DGKB: variants seen among roughly 807,000 people sequenced by gnomAD.
DGKB encodes the protein 90 kDa diacylglycerol kinase.
Under a neutral mutation model 114.3 loss-of-function variants are expected in DGKB, and 67 were observed. That is an observed-to-expected ratio of 0.59 (90% CI 0.48 to 0.72). The LOEUF is 0.72. Ranked by LOEUF, DGKB falls within the 30% of genes least tolerant of loss-of-function variation. The probability of loss-of-function intolerance (pLI) is 0.00; values close to 1 mark genes in which losing one functional copy is unlikely to be tolerated. For synonymous variants in DGKB, 398 were observed against 323.1 expected, an observed-to-expected ratio of 1.23 and a Z score of -2.49; for missense variants, 907 against 975.2, an observed-to-expected ratio of 0.93 and a Z score of 0.93.
At chr7:14,280,883 C>A (rs553550177) in intron 23 of DGKB, among the ~76,000 whole-genome samples, 10 of 151,928 alleles carry the variant, frequency 6.6e-5, no homozygotes, top group Admixed American at 1.3e-4. Context: ...AAAGGAACAA[C>A]CAGTACCAGC....
At chr7:14,184,019 C>G (rs963426820) in intron 23 of DGKB, among the ~76,000 whole-genome samples, 1 of 152,176 alleles carries the variant, frequency 6.6e-6, no homozygotes, top group Non-Finnish European at 1.5e-5. Flanking sequence ...CACATGCCCC[C>G]ACTAGAGAAG....
chr7:14,444,309 A>C (rs1321374236), intron 21 of DGKB, among the ~76,000 whole-genome samples: 1 of 151,822 alleles, frequency 6.6e-6, no homozygotes, highest in Non-Finnish European at 1.5e-5. Context: ...TGGTACCTAC[A>C]TGCATTATTT....
chr7:14,743,236 G>A (rs1832812009), intron 4 of DGKB, among the ~76,000 whole-genome samples: 1 of 152,078 alleles, frequency 6.6e-6, no homozygotes, highest in Non-Finnish European at 1.5e-5. Context: ...CTCCCTTGTT[G>A]AAGATTTCTA....
At chr7:14,616,683 T>C (rs903869366) in intron 15 of DGKB, among the ~76,000 whole-genome samples, 3 of 151,768 alleles carry the variant, frequency 2.0e-5, no homozygotes, top group Non-Finnish European at 3.0e-5. Context: ...ACTTCCTAGT[T>C]GATTTGTTTA....
chr7:14,686,847 T>C (rs1821784387), intron 9 of DGKB, among the ~76,000 whole-genome samples: 1 of 152,258 alleles, frequency 6.6e-6, no homozygotes, highest in East Asian at 1.9e-4. Flanking sequence ...TCCTTTCTTT[T>C]TCTTTCTTTC....
rs565620766 is a variant in DGKB at position 14,935,931 on chromosome 7, G to T, written c.-188+38765C>A. ...AAACTTCTCTGGTGATGCCCACATT[G>T]GTTGTCCATCAACTACATTTTGAGT... On this transcript the variant is annotated intron_variant, in intron 1 of 4. Transcript: ENST00000437998. Among the ~76,000 whole-genome samples the T allele has an allele frequency of 2.6e-5, 4 of 152,154 alleles. No individual in the cohort carries two copies. In the East Asian group the frequency reaches 5.8e-4, roughly 22 times the overall value.
chr7:14,235,135 C>T (rs1450134984), intron 23 of DGKB, among the ~76,000 whole-genome samples: 2 of 152,032 alleles, frequency 1.3e-5, no homozygotes, highest in Non-Finnish European at 2.9e-5. Flanking sequence ...GTAAACAAAC[C>T]CCTCCTCTTG....
rs993285778 is a variant in DGKB at position 14,552,066 on chromosome 7, T to G, written c.1770+22146A>C. On this transcript the variant is annotated intron_variant, in intron 20 of 25. Coordinates refer to ENST00000402815, the MANE Select transcript of DGKB (RefSeq NM_001350709.2). ...CTAAATATGCTTTATAATATTATAT[T>G]TAATATTAAACAACAGGATAAATAT... 3.9e-5 allele frequency among the ~76,000 whole-genome samples: 6 copies of G among 152,232 alleles called. 2 individuals are homozygous for G. Among genetic ancestry groups the G allele is most frequent in the East Asian group, 3.9e-4 (2 of 5,180 alleles).
chr7:14,961,489 G>C (rs1786840552), intron 1 of DGKB, among the ~76,000 whole-genome samples: 1 of 152,094 alleles, frequency 6.6e-6, no homozygotes, highest in South Asian at 2.1e-4. Context: ...GTGGCAGTCA[G>C]GGCCATGCCT....
At chr7:14,553,261 C>T (rs1170218575) in intron 20 of DGKB, among the ~76,000 whole-genome samples, 1 of 152,208 alleles carries the variant, frequency 6.6e-6, no homozygotes, top group Non-Finnish European at 1.5e-5. Context: ...TCTTTTCCTT[C>T]AAAATACTGA....
intron 23 of DGKB, among the ~76,000 whole-genome samples, chr7:14,297,993 T>C (rs1802879252): frequency 6.6e-6 from 1 of 152,118 alleles, no homozygotes; most frequent in Non-Finnish European, 1.5e-5. Flanking sequence ...GAATACAACT[T>C]ACAAGGGATT....
intron 21 of DGKB, among the ~76,000 whole-genome samples, chr7:14,410,211 T>TATAC (rs1030909709): frequency 2.9e-4 from 43 of 150,608 alleles, no homozygotes; most frequent in African/African-American, 7.3e-4. Flanking sequence ...TATATATATA[T>TATAC]ACACATATAT....
chr7:14,779,846 T>G (rs1838798943), intron 2 of DGKB, among the ~76,000 whole-genome samples: 3 of 152,326 alleles, frequency 2.0e-5, no homozygotes, highest in Middle Eastern at 6.8e-3. Flanking sequence ...TTGTTAATTC[T>G]TCAACTCCAG....
At chr7:14,155,414 C>A (rs999775553) in intron 25 of DGKB, among the ~76,000 whole-genome samples, 2 of 151,930 alleles carry the variant, frequency 1.3e-5, no homozygotes, top group Non-Finnish European at 2.9e-5. Context: ...ATGCTTTGAG[C>A]TAGGGATATT....
intron 23 of DGKB, among the ~76,000 whole-genome samples, chr7:14,297,406 A>AAATC (rs1254279035): frequency 6.6e-6 from 1 of 152,214 alleles, no homozygotes; most frequent in African/African-American, 2.4e-5. Context: ...CAACATACAC[A>AAATC]AATCAATAAA....
chr7:14,876,724 T>C (rs1853348976), intron 1 of DGKB, among the ~76,000 whole-genome samples: 1 of 152,212 alleles, frequency 6.6e-6, no homozygotes, highest in Non-Finnish European at 1.5e-5. Flanking sequence ...CATCTGATGC[T>C]ACATATTGTC....
In DGKB at chr7:14,556,203, G is replaced by A. The variant is rs531862000; in HGVS notation, c.1770+18009C>T. On this transcript the variant is annotated intron_variant, in intron 20 of 25. Transcript: ENST00000402815. The stretch of plus-strand genomic sequence containing the variant: ...TTAGATTTCCTCATATATGCTGAGT[G>A]GTTTTTTAACTAAATGTAAACCTTG... Among the ~76,000 whole-genome samples, 267 of 151,930 alleles carry A rather than the reference G, an allele frequency of 1.8e-3. 1 individual carries two copies. Among genetic ancestry groups the A allele is most frequent in the Middle Eastern group, 3.4e-3 (1 of 292 alleles).
intron 13 of DGKB, among the ~76,000 whole-genome samples, chr7:14,652,194 C>G (rs554143263): frequency 1.0e-4 from 15 of 150,628 alleles, no homozygotes; most frequent in East Asian, 5.9e-4. Context: ...ATCACCAAGT[C>G]AATCCTAAGC....
intron 17 of DGKB, among the ~76,000 whole-genome samples, chr7:14,606,260 A>G (rs1050538123): frequency 1.3e-5 from 2 of 151,996 alleles, no homozygotes; most frequent in South Asian, 2.1e-4. Context: ...CAGTCTGATC[A>G]TGATCCTCTA....
Sources: gnomAD v4.1 joint callset for allele counts (sites outside exome capture counted in the v4.1 genomes callset) on GRCh38, gnomAD v4.1.1 for gene constraint, MANE v1.5 for transcripts, NCBI Gene and HGNC (gene_info 2026-07-23, HGNC 2026-07-21) for gene names.